The following LOC400499 variants were observed in gnomAD, a reference collection of about 807,000 sequenced individuals.
the LOC400499 span, chr16:11,514,418 A>G: frequency 2.5e-6 from 1 of 399,128 alleles, no homozygotes; most frequent in Non-Finnish European, 4.4e-6. Flanking sequence ...GAGGGTCCTC[A>G]TCTGCACAGC....
At chr16:11,451,265 T>C in the LOC400499 span, among the ~76,000 whole-genome samples, 1 of 152,226 alleles carries the variant, frequency 6.6e-6, no homozygotes, top group Non-Finnish European at 1.5e-5. Flanking sequence ...CCAACTCTTC[T>C]GAATGCAATT....
chr16:11,487,334 G>A, the LOC400499 span: 8 of 399,526 alleles, frequency 2.0e-5, no homozygotes, highest in South Asian at 5.1e-4. Flanking sequence ...GAAGAAAGGA[G>A]GCAGGAGAGA....
the LOC400499 span, among the ~76,000 whole-genome samples, chr16:11,504,542 C>A: frequency 3.8e-4 from 58 of 151,418 alleles, no homozygotes; most frequent in African/African-American, 1.3e-3. Flanking sequence ...AGCAACAGAG[C>A]GAGACTCCGT....
At chr16:11,392,750 TGA>T in the LOC400499 span, 1 of 983,536 alleles carries the variant, frequency 1.0e-6, no homozygotes, top group Non-Finnish European at 1.2e-6. Flanking sequence ...GGTTTTTTTT[TGA>T]GACACCAAGG....
the LOC400499 span, among the ~76,000 whole-genome samples, chr16:11,430,212 C>G: frequency 6.6e-6 from 1 of 152,120 alleles, no homozygotes; most frequent in South Asian, 2.1e-4. Context: ...ATCTGCCAGG[C>G]GCGGTGGCTC....
the LOC400499 span, among the ~76,000 whole-genome samples, chr16:11,382,732 C>T: frequency 0.31 from 46,437 of 151,944 alleles, 7,811 homozygotes; most frequent in African/African-American, 0.43. Context: ...ACTGCTTGAA[C>T]CCAGGAGGTG....
At chr16:11,384,984 C>T in the LOC400499 span, 332 of 1,232,222 alleles carry the variant, frequency 2.7e-4, no homozygotes, top group Admixed American at 1.4e-3. Flanking sequence ...ATCCTGGAGA[C>T]GTCCTTCCTT....
the LOC400499 span, among the ~76,000 whole-genome samples, chr16:11,373,420 G>A: frequency 6.6e-6 from 1 of 152,168 alleles, no homozygotes; most frequent in African/African-American, 2.4e-5. Flanking sequence ...GGCAACCTCT[G>A]CCTCCTGGGT....
At chr16:11,515,089 TGAGCTCA>T in the LOC400499 span, among the ~76,000 whole-genome samples, 19 of 152,104 alleles carry the variant, frequency 1.2e-4, no homozygotes, top group Non-Finnish European at 2.5e-4. Context: ...CCGGAACGCT[TGAGCTCA>T]GAAGTTCAAG....
At chr16:11,410,671 G>C in the LOC400499 span, among the ~76,000 whole-genome samples, 1 of 151,362 alleles carries the variant, frequency 6.6e-6, no homozygotes, top group African/African-American at 2.4e-5. Context: ...AGTTACAGAT[G>C]TAACCATTCA....
the LOC400499 span, among the ~76,000 whole-genome samples, chr16:11,466,976 G>A: frequency 1.3e-4 from 19 of 151,882 alleles, no homozygotes; most frequent in Non-Finnish European, 1.6e-4. Context: ...TTTTTGAGAC[G>A]CAGTCTTGCT....
the LOC400499 span, among the ~76,000 whole-genome samples, chr16:11,501,646 C>A: frequency 6.6e-6 from 1 of 152,100 alleles, no homozygotes. Context: ...GATTGGGAGT[C>A]TCTTTACCCG....
the LOC400499 span, among the ~76,000 whole-genome samples, chr16:11,387,867 G>A: frequency 1.3e-5 from 2 of 152,042 alleles, no homozygotes; most frequent in African/African-American, 4.8e-5. Context: ...CAACTGATCT[G>A]CCCACCTCGG....
At chr16:11,513,775 T>C in the LOC400499 span, among the ~76,000 whole-genome samples, 2 of 152,114 alleles carry the variant, frequency 1.3e-5, no homozygotes, top group African/African-American at 4.8e-5. Flanking sequence ...CCTAATGGGG[T>C]TTTGATGAGA....
At chr16:11,523,262 G>C in the LOC400499 span, among the ~76,000 whole-genome samples, 1,255 of 152,270 alleles carry the variant, frequency 8.2e-3, 29 homozygotes, top group African/African-American at 0.029. Flanking sequence ...TCCAGAACTG[G>C]CCTTGGTCCT....
the LOC400499 span, among the ~76,000 whole-genome samples, chr16:11,458,234 T>C: frequency 6.6e-6 from 1 of 152,154 alleles, no homozygotes; most frequent in Non-Finnish European, 1.5e-5. Context: ...TAATCCCAGG[T>C]ACTCAGGAGG....
chr16:11,419,218 ACC>A, the LOC400499 span, among the ~76,000 whole-genome samples: 2 of 152,112 alleles, frequency 1.3e-5, no homozygotes, highest in African/African-American at 4.8e-5. Context: ...GGCTACAGTA[ACC>A]AAAACAGCAT....
chr16:11,410,911 C>T, the LOC400499 span, among the ~76,000 whole-genome samples: 27 of 152,358 alleles, frequency 1.8e-4, no homozygotes, highest in African/African-American at 6.5e-4. Flanking sequence ...GCTGGCTCAG[C>T]TCCAAAGGGC....
At chr16:11,422,176 C>T in the LOC400499 span, among the ~76,000 whole-genome samples, 153 of 152,280 alleles carry the variant, frequency 1.0e-3, 1 homozygote, top group East Asian at 0.027. Flanking sequence ...CGAAACGGGC[C>T]GATCACTTGA....
Sources: allele counts gnomAD v4.1 joint callset (sites outside exome capture counted in the v4.1 genomes callset), GRCh38; gene constraint gnomAD v4.1.1; transcripts MANE v1.5.